CNOT2: variants seen among roughly 807,000 people sequenced by gnomAD.
CNOT2 encodes CCR4-NOT transcription complex subunit 2.
CNOT2 carries 7 observed loss-of-function variants against 72.1 expected under a neutral mutation model. The ratio of observed to expected loss-of-function variants is 0.10; its 90% CI spans 0.06 to 0.18. The LOEUF is 0.18. Among genes scored for constraint, CNOT2 ranks in the 10% least tolerant of loss-of-function variants. CNOT2 has a pLI of 1.00. For missense variants in CNOT2, 345 were observed against 660.3 expected, an observed-to-expected ratio of 0.52 and a Z score of 5.23; for synonymous variants, 196 against 225.6, an observed-to-expected ratio of 0.87 and a Z score of 1.17.
At chr12:70,332,339 G>T (rs1880084171) in intron 6 of CNOT2, 1 of 152,782 alleles carries the variant, frequency 6.5e-6, no homozygotes, top group African/African-American at 2.4e-5. Context: ...TAAGAGAGAA[G>T]ATCTATTATG....
At chr12:70,296,759 C>T (rs902353985) in intron 2 of CNOT2, among the ~76,000 whole-genome samples, 4 of 89,062 alleles carry the variant, frequency 4.5e-5, no homozygotes, top group African/African-American at 1.8e-4. Context: ...TTATTTAAGC[C>T]CCCCCCCCTT....
chr12:70,306,738 C>G (rs1262884359), intron 2 of CNOT2, among the ~76,000 whole-genome samples: 1 of 152,182 alleles, frequency 6.6e-6, no homozygotes, highest in Non-Finnish European at 1.5e-5. Context: ...GATTCTAATG[C>G]TGTATATCCA....
At chr12:70,287,698 T>A (rs1383081514) in intron 2 of CNOT2, among the ~76,000 whole-genome samples, 2 of 150,224 alleles carry the variant, frequency 1.3e-5, no homozygotes, top group African/African-American at 4.8e-5. Context: ...TATATCTTAT[T>A]TCTTTAATTA....
intron 3 of CNOT2, among the ~76,000 whole-genome samples, chr12:70,314,034 T>TCCC (rs1409348787): frequency 3.3e-5 from 5 of 152,164 alleles, no homozygotes; most frequent in African/African-American, 1.2e-4. Flanking sequence ...AAAAAAATGG[T>TCCC]TTTTGATTGT....
intron 5 of CNOT2, among the ~76,000 whole-genome samples, chr12:70,329,817 G>T (rs1246170934): frequency 6.6e-6 from 1 of 151,930 alleles, no homozygotes. Context: ...TTCCTGGGGA[G>T]CTTTTTCAAA....
intron 1 of CNOT2, among the ~76,000 whole-genome samples, chr12:70,260,640 G>A (rs1220753710): frequency 2.6e-5 from 4 of 151,942 alleles, no homozygotes; most frequent in Non-Finnish European, 5.9e-5. Flanking sequence ...TTGACATGGA[G>A]TATTAAAAGT....
intron 2 of CNOT2, among the ~76,000 whole-genome samples, chr12:70,293,124 G>T (rs11612013): frequency 0.096 from 14,424 of 150,128 alleles, 896 homozygotes; most frequent in Middle Eastern, 0.2. Flanking sequence ...TATTTTCAAG[G>T]ATTCAACATT....
rs71437141 is a variant in CNOT2 at position 70,261,305 on chromosome 12, C to CTTTTTTTTTTT, written c.-95-16810_-95-16800dup. Among the ~76,000 whole-genome samples, 16 of 43,340 alleles carry CTTTTTTTTTTT rather than the reference C, an allele frequency of 3.7e-4. 3 individuals carry two copies. Among genetic ancestry groups the CTTTTTTTTTTT allele is most frequent in the East Asian group, 1.3e-3 (1 of 760 alleles). The allele number at this position is 43,340 out of a possible 152,430, so 28.4% of individuals were successfully genotyped here. A position where few individuals can be genotyped will look rare whatever the true frequency, so the allele number is the denominator to read the frequency against. ...ATCTTTGTGCCTATTTTCTTTCTTT[C>CTTTTTTTTTTT]TTTTTTTTTTTTTTTTTTTTTTTTT... On this transcript the variant is annotated intron_variant, in intron 1 of 15. Coordinates refer to ENST00000229195, the MANE Select transcript of CNOT2 (RefSeq NM_014515.7).
chr12:70,286,267 A>G (rs1038174999), intron 2 of CNOT2, among the ~76,000 whole-genome samples: 4 of 149,380 alleles, frequency 2.7e-5, no homozygotes, highest in Admixed American at 6.9e-5. Flanking sequence ...TTTGAGCCCC[A>G]TCAGTAGTCC....
chr12:70,255,418 T>C (rs1230334135), intron 1 of CNOT2, among the ~76,000 whole-genome samples: 1 of 152,188 alleles, frequency 6.6e-6, no homozygotes, highest in Non-Finnish European at 1.5e-5. Flanking sequence ...ACTTACGCTG[T>C]TCTTTGTCCC....
chr12:70,272,247 AC>A (rs1252995943), intron 1 of CNOT2, among the ~76,000 whole-genome samples: 2 of 152,204 alleles, frequency 1.3e-5, no homozygotes, highest in African/African-American at 4.8e-5. Context: ...AGCTTAATAG[AC>A]AAGGTTCTTC....
intron 1 of CNOT2, among the ~76,000 whole-genome samples, chr12:70,270,236 A>T (rs920801230): frequency 6.6e-6 from 1 of 152,170 alleles, no homozygotes; most frequent in African/African-American, 2.4e-5. Context: ...CAGGGAATAC[A>T]GGTATCCCCT....
At chr12:70,288,136 CTTTTTTT>C (rs68143994) in intron 2 of CNOT2, among the ~76,000 whole-genome samples, 1,585 of 86,738 alleles carry the variant, frequency 0.018, 35 homozygotes, top group African/African-American at 0.062. Context: ...TGGTGTAGCT[CTTTTTTT>C]TTTTTTTTTT....
In CNOT2 at chr12:70,278,221, G is replaced by A. The variant is rs200347802; in HGVS notation, c.-6G>A. Reference sequence around the variant, plus strand: ...CTCCGGTACTGTGAGGAAAGGACACGACTCTATGGTGAGGACTGATGGACA... The same window carrying A: ...CTCCGGTACTGTGAGGAAAGGACACAACTCTATGGTGAGGACTGATGGACA... On this transcript the variant is annotated 5_prime_UTR_variant, in exon 2 of 16. Transcript: ENST00000229195. The A allele has an allele frequency of 7.5e-6, 12 of 1,609,948 alleles. No individual in the cohort carries two copies. Among genetic ancestry groups the A allele is most frequent in the Admixed American group, 3.3e-5 (2 of 59,988 alleles).
intron 11 of CNOT2, among the ~76,000 whole-genome samples, chr12:70,339,048 G>T (rs1881105920): frequency 7.4e-6 from 1 of 135,734 alleles, no homozygotes; most frequent in Non-Finnish European, 1.6e-5. Context: ...GTGTGTGTGT[G>T]TGCATGTGCA....
chr12:70,256,059 G>A (rs1958424048), intron 1 of CNOT2, among the ~76,000 whole-genome samples: 3 of 152,062 alleles, frequency 2.0e-5, no homozygotes, highest in Non-Finnish European at 4.4e-5. Context: ...ATCCAAGGCT[G>A]TTTGCTTATT....
intron 3 of CNOT2, among the ~76,000 whole-genome samples, chr12:70,317,758 C>T (rs1357456659): frequency 6.7e-6 from 1 of 150,264 alleles, no homozygotes; most frequent in Non-Finnish European, 1.5e-5. Flanking sequence ...AAAAATTTTG[C>T]AAACTTTAGT....
At chr12:70,285,049 G>A (rs1482924524) in intron 2 of CNOT2, among the ~76,000 whole-genome samples, 1 of 152,162 alleles carries the variant, frequency 6.6e-6, no homozygotes, top group Non-Finnish European at 1.5e-5. Context: ...GAAATATGAA[G>A]TGTTCTCTTT....
At chr12:70,331,495 C>T (rs1235430162) in intron 6 of CNOT2, 1 of 151,750 alleles carries the variant, frequency 6.6e-6, no homozygotes, top group East Asian at 1.9e-4. Context: ...TTTTACCTTT[C>T]CATAGTTTTT....
Sources: allele counts gnomAD v4.1 joint callset (sites outside exome capture counted in the v4.1 genomes callset), GRCh38; gene constraint gnomAD v4.1.1; transcripts MANE v1.5; gene names NCBI Gene and HGNC (gene_info 2026-07-23, HGNC 2026-07-21).